The following RAP2C variants were observed in gnomAD, a reference collection of about 807,000 sequenced individuals.
RAP2C encodes the protein RAP2C, member of RAS oncogene family.
RAP2C carries 3 observed loss-of-function variants against 8.9 expected under a neutral mutation model. That is an observed-to-expected ratio of 0.34 (90% CI 0.15 to 0.87). RAP2C has a LOEUF of 0.87. RAP2C is among the 40% of genes least tolerant of loss of function. The pLI is 0.51. For missense variants in RAP2C, 76 were observed against 133.7 expected, an observed-to-expected ratio of 0.57 and a Z score of 2.13; for synonymous variants, 60 against 52.1, an observed-to-expected ratio of 1.15 and a Z score of -0.65.
At position 132,217,487 on chromosome X, in the gene RAP2C, C is replaced by G. The variant is rs1449671548; in HGVS notation, c.-219G>C. 3.5e-6 allele frequency: 1 copy of G among 284,471 alleles called. No individual in the cohort carries two copies. The highest frequency in any genetic ancestry group is 6.2e-5 in the Admixed American group (1 of 16,204). The allele number at this position is 284,471 out of a possible 1,213,427, so 23.4% of individuals were successfully genotyped here. On this transcript the variant is annotated 5_prime_UTR_variant, in exon 4 of 6. Coordinates refer to ENST00000370874, the MANE Select transcript of RAP2C (RefSeq NM_001271186.2). ...TGGGGAAGGGATGGTAATGCCCTTC[C>G]TATAGGAACTGCAGCCCGAGCAGGG...
chrX:132,217,248 C>T lies in RAP2C; in HGVS notation c.21G>A (p.Val7=), dbSNP rs746651432. The T allele has an allele frequency of 1.7e-5, 19 of 1,128,538 alleles. No individual in the cohort carries two copies. The East Asian group carries it at 5.8e-4, about 34-fold the overall frequency. The allele number at this position is 1,128,538 out of a possible 1,213,427, so 93.0% of individuals were successfully genotyped here. Residue 7 remains valine, a synonymous_variant, in exon 4 of 6, where the codon GTG becomes GTA. Transcript: ENST00000370874. ...TGCCAACCCCTCCACTCCCTAACACCACTACCTTGTATTCCCTCATGAGTC... is the reference window on the plus strand; with the variant it reads ...TGCCAACCCCTCCACTCCCTAACACTACTACCTTGTATTCCCTCATGAGTC... MREYKV[V]VLGSGGVGKS... is the part of the protein sequence containing the mutation.
Position 132,214,149 on chromosome X carries a change from A to G in RAP2C, c.*19T>C, listed in dbSNP as rs748348146. The G allele has an allele frequency of 8.4e-7, 1 of 1,197,448 alleles. No homozygotes were observed. Among genetic ancestry groups the G allele is most frequent in the South Asian group, 1.8e-5 (1 of 55,088 alleles). ...AAAAACTAACCTGCTCGGTATGGCC[A>G]TGATTGAGGTTATCTTCTTTACTGG... is the stretch of plus-strand genomic sequence containing the variant. On this transcript the variant is annotated 3_prime_UTR_variant, in exon 5 of 6. Transcript: ENST00000370874.
Position 132,205,422 on chromosome X carries a change from A to T in RAP2C, c.*200T>A, listed in dbSNP as rs1319977967. ...TAAACGTATGGTAAACGTGCTAAGC[A>T]TTCCTGTTTAAGGTCGATGGATCTT... On this transcript the variant is annotated 3_prime_UTR_variant, in exon 6 of 6. Transcript: ENST00000370874. 8.9e-6 allele frequency: 1 copy of T among 112,235 alleles called. No individual in the cohort carries two copies. Among genetic ancestry groups the T allele is most frequent in the Non-Finnish European group, 1.9e-5 (1 of 53,228 alleles). 9.2% of individuals were successfully genotyped at this position (112,235 alleles called of 1,213,427 possible).
chrX:132,217,230 C>T lies in RAP2C; in HGVS notation c.39G>A (p.Gly13=). 1.7e-6 allele frequency: 2 copies of T among 1,151,632 alleles called. No individual in the cohort carries two copies. Among genetic ancestry groups the T allele is most frequent in the Non-Finnish European group, 1.2e-6 (1 of 863,685 alleles). The allele number at this position is 1,151,632 out of a possible 1,213,427, so 94.9% of individuals were successfully genotyped here. ...EYKVVVLGSG[G]VGKSALTVQF... is the part of the protein sequence containing the mutation. ...GCACAGTAAGGGCAGATTTGCCAAC[C>T]CCTCCACTCCCTAACACCACTACCT... Residue 13 remains glycine (G), a synonymous_variant, in exon 4 of 6, where the codon GGG becomes GGA. Transcript: ENST00000370874.
chrX:132,209,278 T>C (rs1930362229), intron 5 of RAP2C, among the ~76,000 whole-genome samples: 1 of 111,773 alleles, frequency 8.9e-6, no homozygotes, highest in Admixed American at 9.5e-5. Flanking sequence ...TCTGAATGTT[T>C]AAATTAATAT....
rs1930207505 is a variant in RAP2C at position 132,204,312 on chromosome X, T to C, written c.*1310A>G. On this transcript the variant is annotated 3_prime_UTR_variant, in exon 6 of 6. Coordinates refer to ENST00000370874, the MANE Select transcript of RAP2C (RefSeq NM_001271186.2). ...TAAAAATCATTGCTAGAAAAAGCCC[T>C]CATTGTCACGATGTTAAAACTGAAC... is the stretch of plus-strand genomic sequence containing the variant. 8.9e-6 allele frequency: 1 copy of C among 112,299 alleles called. No homozygotes were observed. Among genetic ancestry groups the C allele is most frequent in the Non-Finnish European group, 1.9e-5 (1 of 53,156 alleles). The allele number at this position is 112,299 out of a possible 1,213,427, so 9.3% of individuals were successfully genotyped here.
chrX:132,214,725 T>C (rs917598507), intron 4 of RAP2C: 5 of 199,835 alleles, frequency 2.5e-5, no homozygotes, highest in African/African-American at 9.3e-5. Flanking sequence ...CCCCAGTCTA[T>C]ACTGATTAAA....
intron 5 of RAP2C, among the ~76,000 whole-genome samples, chrX:132,206,107 T>G (rs995743679): frequency 4.5e-5 from 5 of 110,577 alleles, no homozygotes; most frequent in African/African-American, 1.6e-4. Context: ...GGTTCATGTC[T>G]GTAATCCCAG....
At position 132,217,343 on chromosome X, in the gene RAP2C, C is replaced by T. The variant is rs1602897098; in HGVS notation, c.-75G>A. Reference sequence around the variant, plus strand: ...CTAGCTGTGGCGCGGCTAGACGAGGCGGAAGGTGGGCGGAAATCTGCGAAC... The same window carrying T: ...CTAGCTGTGGCGCGGCTAGACGAGGTGGAAGGTGGGCGGAAATCTGCGAAC... On this transcript the variant is annotated 5_prime_UTR_variant, in exon 4 of 6. Coordinates refer to ENST00000370874, the MANE Select transcript of RAP2C (RefSeq NM_001271186.2). 3 of 965,036 alleles carry T rather than the reference C, an allele frequency of 3.1e-6. No homozygotes were observed. In the South Asian group the frequency reaches 9.6e-5, roughly 31 times the overall value. 79.5% of individuals were successfully genotyped at this position (965,036 alleles called of 1,213,427 possible).
In RAP2C at chrX:132,203,904, A is replaced by G. The variant is rs1186534386; in HGVS notation, c.*1718T>C. 8.9e-6 allele frequency: 1 copy of G among 112,473 alleles called. No individual in the cohort carries two copies. Among genetic ancestry groups the G allele is most frequent in the African/African-American group, 3.2e-5 (1 of 30,887 alleles). 9.3% of individuals were successfully genotyped at this position (112,473 alleles called of 1,213,427 possible). A position where few individuals can be genotyped will look rare whatever the true frequency, so the allele number is the denominator to read the frequency against. Reference sequence around the variant, plus strand: ...GGAATCAAATGCAACACGATTTAAAAAAAGGAAATCAAAGTTTAGTCAATT... The same window carrying G: ...GGAATCAAATGCAACACGATTTAAAGAAAGGAAATCAAAGTTTAGTCAATT... On this transcript the variant is annotated 3_prime_UTR_variant, in exon 6 of 6. Coordinates refer to ENST00000370874, the MANE Select transcript of RAP2C (RefSeq NM_001271186.2).
intron 5 of RAP2C, among the ~76,000 whole-genome samples, chrX:132,208,332 C>G (rs997410100): frequency 9.9e-5 from 11 of 111,195 alleles, no homozygotes; most frequent in Non-Finnish European, 1.5e-4. Flanking sequence ...CTCTCTCTCT[C>G]TCACAAATAC....
intron 4 of RAP2C, among the ~76,000 whole-genome samples, chrX:132,215,909 G>GT (rs1930566316): frequency 9.0e-6 from 1 of 111,072 alleles, no homozygotes; most frequent in Non-Finnish European, 1.9e-5. Flanking sequence ...AATCCCTGAA[G>GT]TTGTTCTATC....
At chrX:132,210,418 T>C (rs1009316491) in intron 5 of RAP2C, among the ~76,000 whole-genome samples, 1 of 112,557 alleles carries the variant, frequency 8.9e-6, no homozygotes, top group African/African-American at 3.2e-5. Context: ...TAGACTAAAA[T>C]GATGTTCAAA....
intron 1 of RAP2C, chrX:132,218,847 A>T (rs1930761649): frequency 8.9e-6 from 1 of 112,420 alleles, no homozygotes; most frequent in Non-Finnish European, 1.9e-5. Context: ...GGTAACCAAT[A>T]TTCAAGAAAG....
At chrX:132,214,851 A>T (rs1930528503) in intron 4 of RAP2C, among the ~76,000 whole-genome samples, 1 of 111,982 alleles carries the variant, frequency 8.9e-6, no homozygotes, top group Non-Finnish European at 1.9e-5. Context: ...ACAGGATTGC[A>T]GCATCTATGC....
chrX:132,217,635 G>A lies in RAP2C; in HGVS notation c.-367C>T, dbSNP rs1049454935. On this transcript the variant is annotated 5_prime_UTR_variant, in exon 4 of 6. Transcript: ENST00000370874. ...CCCTGCGGCGAGGCGGACGTCGGAG[G>A]AGCCCGCAGCCCGGGGCTGCCCGGC... is the stretch of plus-strand genomic sequence containing the variant. The A allele has an allele frequency of 6.9e-6, 1 of 145,776 alleles. No homozygotes were observed. The highest frequency in any genetic ancestry group is 1.6e-4 in the East Asian group (1 of 6,124). The allele number at this position is 145,776 out of a possible 1,213,427, so 12.0% of individuals were successfully genotyped here.
At position 132,204,823 on chromosome X, in the gene RAP2C, G is replaced by C. The variant is rs1256711067; in HGVS notation, c.*799C>G. 1.2e-4 allele frequency: 13 copies of C among 110,614 alleles called. No individual in the cohort carries two copies. In the Admixed American group the frequency reaches 1.3e-3, roughly 11 times the overall value. The allele number at this position is 110,614 out of a possible 1,213,427, so 9.1% of individuals were successfully genotyped here. ...GCTAAATAGGTCATAACTAAATTTA[G>C]AACTTCACAGAAAGGAAAATGTTAC... is the stretch of plus-strand genomic sequence containing the variant. On this transcript the variant is annotated 3_prime_UTR_variant, in exon 6 of 6. Coordinates refer to ENST00000370874, the MANE Select transcript of RAP2C (RefSeq NM_001271186.2).
At chrX:132,207,499 G>A (rs972547293) in intron 5 of RAP2C, among the ~76,000 whole-genome samples, 1 of 111,476 alleles carries the variant, frequency 9.0e-6, no homozygotes, top group South Asian at 3.7e-4. Flanking sequence ...GAAATCAAGA[G>A]ATATAGATAA....
At position 132,217,371 on chromosome X, in the gene RAP2C, GGGA is replaced by G; in HGVS notation, c.-106_-104del. The G allele has an allele frequency of 5.0e-6, 4 of 805,434 alleles. No homozygotes were observed. The highest frequency in any genetic ancestry group is 6.7e-6 in the Non-Finnish European group (4 of 592,704). The allele number at this position is 805,434 out of a possible 1,213,427, so 66.4% of individuals were successfully genotyped here. ...AAGGTGGGCGGAAATCTGCGAACTGGGGAGGAGAGTGCAGAGGAGCAGAGGGCC... is the reference window on the plus strand; with the variant it reads ...AAGGTGGGCGGAAATCTGCGAACTGGGGAGAGTGCAGAGGAGCAGAGGGCC... On this transcript the variant is annotated 5_prime_UTR_variant, in exon 4 of 6. Transcript: ENST00000370874.
Sources: allele counts gnomAD v4.1 joint callset (sites outside exome capture counted in the v4.1 genomes callset), GRCh38; gene constraint gnomAD v4.1.1; transcripts MANE v1.5; gene names NCBI Gene and HGNC (gene_info 2026-07-23, HGNC 2026-07-21).